Variants in CYRIB observed in about 807,000 individuals in gnomAD.
CYRIB encodes CYFIP related Rac1 interactor B, also known as CYFIP-related Rac1 interactor B.
CYRIB carries 8 observed loss-of-function variants against 44.2 expected under a neutral mutation model. That is an observed-to-expected ratio of 0.18 (90% CI 0.11 to 0.33). The LOEUF (loss-of-function observed/expected upper bound fraction) is 0.33, where lower values mean the gene tolerates loss of function less well. Ranked by LOEUF, CYRIB falls within the 10% of genes least tolerant of loss-of-function variation. The probability of loss-of-function intolerance (pLI) is 1.00; values close to 1 mark genes in which losing one functional copy is unlikely to be tolerated. For synonymous variants in CYRIB, 131 were observed against 127.2 expected (o/e 1.03, Z -0.20); for missense variants, 185 against 382.8 (o/e 0.48, Z 4.31).
At chr8:129,872,356 CAT>C (rs1176223351) in intron 3 of CYRIB, among the ~76,000 whole-genome samples, 1 of 152,104 alleles carries the variant, frequency 6.6e-6, no homozygotes, top group Non-Finnish European at 1.5e-5. Flanking sequence ...AGGACACAAA[CAT>C]ATGGGCATTT....
intron 11 of CYRIB, among the ~76,000 whole-genome samples, chr8:129,845,855 G>A (rs1394714604): frequency 1.3e-5 from 2 of 152,206 alleles, no homozygotes; most frequent in Non-Finnish European, 2.9e-5. Context: ...ATTTAAAAAT[G>A]TTCTAGCAGC....
At chr8:129,887,411 A>T (rs1206695765) in intron 2 of CYRIB, among the ~76,000 whole-genome samples, 1 of 152,230 alleles carries the variant, frequency 6.6e-6, no homozygotes, top group East Asian at 1.9e-4. Flanking sequence ...GTTCAGGCAG[A>T]AGGTACACTG....
intron 1 of CYRIB, among the ~76,000 whole-genome samples, chr8:130,016,078 C>G (rs1463449870): frequency 6.6e-6 from 1 of 150,764 alleles, no homozygotes; most frequent in East Asian, 1.9e-4. Flanking sequence ...TGGGTGGACC[C>G]GGGCGGCGGC....
rs567959414 is a variant in CYRIB, at chr8:129,859,204, C to CAG, written c.301+3023_301+3024dup. 1.3e-4 allele frequency among the ~76,000 whole-genome samples: 20 copies of CAG among 151,840 alleles called. No homozygotes were observed. The East Asian group carries it at 2.3e-3, about 18-fold the overall frequency. ...GCCCTTCCCTGCCTGGCAGCCAAGGCAGAGAGAGAGAGGAGAAAGAGCGAA... is the reference window on the plus strand; with the variant it reads ...GCCCTTCCCTGCCTGGCAGCCAAGGCAGAGAGAGAGAGAGGAGAAAGAGCGAA... On this transcript the variant is annotated intron_variant, in intron 5 of 11. Coordinates refer to ENST00000519824, the Ensembl canonical transcript of CYRIB.
chr8:129,959,563 C>G (rs1184234696), intron 2 of CYRIB, among the ~76,000 whole-genome samples: 2 of 151,922 alleles, frequency 1.3e-5, no homozygotes, highest in Non-Finnish European at 2.9e-5. Context: ...TGGCTTGAAC[C>G]CAGGAGTTTG....
At chr8:130,000,733 T>A (rs569375513) in intron 1 of CYRIB, among the ~76,000 whole-genome samples, 7 of 151,996 alleles carry the variant, frequency 4.6e-5, no homozygotes, top group Non-Finnish European at 8.8e-5. Flanking sequence ...ATTTAAATTA[T>A]CAGCCAGGCA....
At chr8:129,954,349 A>G (rs2131438909) in intron 2 of CYRIB, among the ~76,000 whole-genome samples, 1 of 152,120 alleles carries the variant, frequency 6.6e-6, no homozygotes, top group East Asian at 1.9e-4. Flanking sequence ...CAGCCTCCCG[A>G]ATAGCTGGGA....
chr8:129,987,556 C>CTTTT (rs35721101), intron 1 of CYRIB, among the ~76,000 whole-genome samples: 2 of 140,808 alleles, frequency 1.4e-5, no homozygotes, highest in Non-Finnish European at 3.1e-5. Context: ...TTTTTCTTGT[C>CTTTT]TTTTTTTTTT....
intron 1 of CYRIB, among the ~76,000 whole-genome samples, chr8:129,987,562 TTTTTTC>T (rs374190972): frequency 2.7e-5 from 2 of 75,036 alleles, no homozygotes; most frequent in African/African-American, 1.4e-4. Context: ...TTGTCTTTTT[TTTTTTC>T]TTTTTTTTTT....
At chr8:129,966,645 T>C (rs979022216) in intron 2 of CYRIB, among the ~76,000 whole-genome samples, 23 of 152,330 alleles carry the variant, frequency 1.5e-4, no homozygotes, top group East Asian at 3.9e-4. Context: ...GGAGGATCAC[T>C]TGAGTCCAGG....
chr8:129,862,163 A>T, intron 5 of CYRIB, 66 bp downstream of exon 7: 1 of 1,216,268 alleles, frequency 8.2e-7, no homozygotes, highest in Non-Finnish European at 1.2e-6. Flanking sequence ...AAAAAACTCT[A>T]AACTTCTGGA....
chr8:129,929,276 G>C (rs910707602), intron 1 of CYRIB, among the ~76,000 whole-genome samples: 1 of 152,022 alleles, frequency 6.6e-6, no homozygotes, highest in Non-Finnish European at 1.5e-5. Flanking sequence ...GGGAGACACG[G>C]GGAGAAGAGA....
intron 2 of CYRIB, among the ~76,000 whole-genome samples, chr8:129,899,354 T>C (rs1201660231): frequency 6.6e-6 from 1 of 152,192 alleles, no homozygotes; most frequent in Non-Finnish European, 1.5e-5. Flanking sequence ...AAAGGCTGAT[T>C]TATATAAAAT....
upstream of CYRIB, chr8:130,016,541 G>A (rs952723998): frequency 2.3e-4 from 36 of 156,880 alleles, no homozygotes; most frequent in Admixed American, 8.6e-4. Flanking sequence ...GCCCGGGCGA[G>A]TGCCAGGCGA....
intron 2 of CYRIB, among the ~76,000 whole-genome samples, chr8:129,955,524 T>C (rs932707523): frequency 6.6e-6 from 1 of 152,132 alleles, no homozygotes; most frequent in Non-Finnish European, 1.5e-5. Flanking sequence ...CGGAAATCTA[T>C]AGAGATATTA....
chr8:129,870,936 T>C (rs2056916388), intron 4 of CYRIB, among the ~76,000 whole-genome samples: 1 of 152,122 alleles, frequency 6.6e-6, no homozygotes, highest in African/African-American at 2.4e-5. Context: ...ACACAGCTTC[T>C]TCTGAAAAAC....
exon 12 of CYRIB, chr8:129,841,919 G>C: frequency 2.1e-6 from 1 of 475,344 alleles, no homozygotes; most frequent in Non-Finnish European, 3.8e-6. Context: ...AGCTGCCTTA[G>C]ATGGCCCGTT....
At chr8:129,907,442 G>A in intron 1 of CYRIB, among the ~76,000 whole-genome samples, 1 of 151,798 alleles carries the variant, frequency 6.6e-6, no homozygotes, top group African/African-American at 2.4e-5. Context: ...ACCGGTGCCT[G>A]TTATGGGGTG....
intron 2 of CYRIB, among the ~76,000 whole-genome samples, chr8:129,891,587 TAA>T (rs2065443807): frequency 6.6e-6 from 1 of 152,208 alleles, no homozygotes; most frequent in Non-Finnish European, 1.5e-5. Context: ...TAGCAAATGT[TAA>T]GATCCATATA....
Sources: allele counts gnomAD v4.1 joint callset (sites outside exome capture counted in the v4.1 genomes callset), GRCh38; gene constraint gnomAD v4.1.1; transcripts MANE v1.5; gene names NCBI Gene and HGNC (gene_info 2026-07-23, HGNC 2026-07-21).